PER3: variants seen among roughly 807,000 people sequenced by gnomAD.
PER3 encodes period circadian regulator 3, also known as period circadian protein homolog 3.
In PER3, 107 loss-of-function variants were observed where a neutral mutation model predicts 127.2. The ratio of observed to expected loss-of-function variants is 0.84; its 90% CI spans 0.72 to 0.99. The LOEUF is 0.99. Ranked by LOEUF, PER3 falls within the 50% of genes least tolerant of loss-of-function variation. PER3 has a pLI of 0.00. For missense variants in PER3, 1,560 were observed against 1,525.8 expected (o/e 1.02, Z -0.37); for synonymous variants, 618 against 585.8 (o/e 1.05, Z -0.79).
Position 7,827,310 on chromosome 1 carries a change from C to T in PER3, c.2381C>T (p.Pro794Leu). 2 of 1,613,766 alleles carry T rather than the reference C, an allele frequency of 1.2e-6. No homozygotes were observed. Among genetic ancestry groups the T allele is most frequent in the Non-Finnish European group, 1.7e-6 (2 of 1,179,844 alleles). Residue 794 changes from proline to leucine, a missense_variant, in exon 18 of 22, where the codon CCA becomes CTA. By Grantham distance (98) the Pro-to-Leu change is moderately conservative. This residue lies in a region of PER3 where 1,332 missense variants were observed against 1,223.6 expected (regional missense o/e 1.09). Transcript: ENST00000377532. ...CCGCACACCTCGAGCCCGACCTTCC[C>T]ACCTGCCGCCATGGTGCCCAGCCAG... ...SSPHTSSPTF[P>L]PAAMVPSQAP...
intron 7 of PER3, among the ~76,000 whole-genome samples, chr1:7,799,581 G>C (rs1280248467): frequency 6.9e-6 from 1 of 144,830 alleles, no homozygotes; most frequent in Non-Finnish European, 1.5e-5. Context: ...TTGCACTCCA[G>C]CCTGGGCAAC....
rs910369055 is a variant in PER3 at position 7,844,771 on chromosome 1, G to A, written c.*2016G>A. The A allele has an allele frequency of 3.3e-5, 5 of 152,732 alleles. No homozygotes were observed. The highest frequency in any genetic ancestry group is 1.9e-4 in the East Asian group (1 of 5,236). The allele number at this position is 152,732 out of a possible 1,614,324, so 9.5% of individuals were successfully genotyped here. ...CTCCCAGGTTGCACCTGCTGCTGGC[G>A]GTGAGCAGGGGGTTCAGCAGCTTGA... On this transcript the variant is annotated 3_prime_UTR_variant, in exon 22 of 22. Transcript: ENST00000377532.
intron 6 of PER3, among the ~76,000 whole-genome samples, chr1:7,797,196 A>G (rs997747106): frequency 1.2e-4 from 4 of 32,332 alleles, no homozygotes; most frequent in Admixed American, 6.6e-4. Context: ...AGGTGTGAGC[A>G]TGGATGTGAG....
chr1:7,835,922 C>T lies in PER3; in HGVS notation c.3375C>T (p.Leu1125=), dbSNP rs780230060. Reference sequence around the variant, plus strand: ...TACGGCAGACACCTGAGCGCATTCTCATGACATACCAGGTACCTGAGAGGT... The same window carrying T: ...TACGGCAGACACCTGAGCGCATTCTTATGACATACCAGGTACCTGAGAGGT... ...RMIRQTPERI[L]MTYQVPERVK... Residue 1125 remains leucine (L), a synonymous_variant, in exon 20 of 22, where the codon CTC becomes CTT. Transcript: ENST00000377532. The T allele has an allele frequency of 9.3e-6, 15 of 1,605,572 alleles. No individual in the cohort carries two copies. The highest frequency in any genetic ancestry group is 1.3e-5 in the African/African-American group (1 of 74,682).
chr1:7,812,650 T>C (rs999202669), intron 13 of PER3, among the ~76,000 whole-genome samples: 2 of 105,422 alleles, frequency 1.9e-5, no homozygotes, highest in African/African-American at 7.0e-5. Flanking sequence ...AAAAAAAAAA[T>C]TGAAGCTGCA....
At chr1:7,833,307 C>A (rs1227467433) in intron 19 of PER3, among the ~76,000 whole-genome samples, 1 of 152,104 alleles carries the variant, frequency 6.6e-6, no homozygotes, top group Non-Finnish European at 1.5e-5. Context: ...AATGTTGATC[C>A]AACCTTTTCT....
At chr1:7,816,374 C>T (rs776079580) in intron 13 of PER3, among the ~76,000 whole-genome samples, 1 of 152,128 alleles carries the variant, frequency 6.6e-6, no homozygotes, top group African/African-American at 2.4e-5. Context: ...AGACTGATAA[C>T]TATGGCCATA....
intron 10 of PER3, among the ~76,000 whole-genome samples, chr1:7,805,360 A>G (rs2097188397): frequency 6.6e-6 from 1 of 152,210 alleles, no homozygotes; most frequent in Non-Finnish European, 1.5e-5. Flanking sequence ...TAGATCTACC[A>G]GTAAGACGTA....
Position 7,810,599 on chromosome 1 carries a change from C to A in PER3, c.1522+11C>A. On this transcript the variant is annotated intron_variant, in intron 13 of 21. Coordinates refer to ENST00000377532, the MANE Select transcript of PER3 (RefSeq NM_001377275.1). Reference sequence around the variant, plus strand: ...CAGCGAATGGTGGTGGTGAGTCAGCCGGCAGCCCCAAGGATCTCCTTCCAT... The same window carrying A: ...CAGCGAATGGTGGTGGTGAGTCAGCAGGCAGCCCCAAGGATCTCCTTCCAT... 6.2e-7 allele frequency: 1 copy of A among 1,601,492 alleles called. No homozygotes were observed. Among genetic ancestry groups the A allele is most frequent in the Non-Finnish European group, 8.5e-7 (1 of 1,175,266 alleles).
intron 7 of PER3, 26 bp from the exon 8 acceptor site, chr1:7,801,087 A>G (rs943903880): frequency 5.1e-6 from 7 of 1,382,170 alleles, no homozygotes; most frequent in Admixed American, 3.7e-5. Flanking sequence ...TTGCCTTTAA[A>G]TGGGTCTTTG....
intron 13 of PER3, among the ~76,000 whole-genome samples, chr1:7,815,991 CAAAAA>C (rs34144861): frequency 3.8e-4 from 26 of 67,662 alleles, no homozygotes; most frequent in South Asian, 1.7e-3. Flanking sequence ...GACTCCGTCT[CAAAAA>C]AAAAAAAAAA....
chr1:7,785,402 C>G, intron 2 of PER3, 39 bp from the exon 3 acceptor site: 2 of 1,562,404 alleles, frequency 1.3e-6, no homozygotes, highest in Non-Finnish European at 1.8e-6. Context: ...ATGCTGTTGT[C>G]TTCAGAGGAT....
intron 15 of PER3, 107 bp downstream of exon 15, chr1:7,820,346 T>C: frequency 7.1e-7 from 1 of 1,410,922 alleles, no homozygotes; most frequent in Non-Finnish European, 9.7e-7. Context: ...TGGTTTCATA[T>C]TACCTCTTTA....
intron 20 of PER3, among the ~76,000 whole-genome samples, chr1:7,836,542 A>C (rs1442375677): frequency 1.3e-5 from 2 of 152,196 alleles, no homozygotes; most frequent in South Asian, 2.1e-4. Context: ...ATTCCCTTTG[A>C]GAAATGTGTC....
chr1:7,788,340 C>G, intron 5 of PER3, 94 bp downstream of exon 5: 2 of 858,142 alleles, frequency 2.3e-6, no homozygotes, highest in South Asian at 1.6e-5. Context: ...TTATTTAGAA[C>G]ATGCACACTA....
At chr1:7,786,901 T>C (rs1345630011) in intron 4 of PER3, 65 bp downstream of exon 4, 1 of 891,458 alleles carries the variant, frequency 1.1e-6, no homozygotes, top group Non-Finnish European at 1.9e-6. Context: ...GCTCTAGATG[T>C]AGGCTTTTAA....
chr1:7,837,944 A>AGTCCCAACTACTCAGGAGGTT (rs2097366008), intron 21 of PER3, among the ~76,000 whole-genome samples: 1 of 152,198 alleles, frequency 6.6e-6, no homozygotes, highest in African/African-American at 2.4e-5. Context: ...GTGCACCTAT[A>AGTCCCAACTACTCAGGAGGTT]GTCCCAACTA....
At chr1:7,789,680 T>C (rs2097109854) in intron 5 of PER3, among the ~76,000 whole-genome samples, 1 of 152,244 alleles carries the variant, frequency 6.6e-6, no homozygotes, top group Admixed American at 6.5e-5. Flanking sequence ...GAAACAGATC[T>C]CCATAACTTT....
In PER3 at chr1:7,798,242, G is replaced by A. The variant is rs527300880; in HGVS notation, c.645-283G>A. 4.6e-5 allele frequency among the ~76,000 whole-genome samples: 7 copies of A among 152,228 alleles called. No individual in the cohort carries two copies. In the South Asian group the frequency reaches 6.2e-4, roughly 14 times the overall value. ...CAGCAGAAGGGGAAAAGTCAAACTG[G>A]GAATGCATCACATGGAGGCCAGGAG... On this transcript the variant is annotated intron_variant, in intron 6 of 21. Coordinates refer to ENST00000377532, the MANE Select transcript of PER3 (RefSeq NM_001377275.1).
Sources: allele counts gnomAD v4.1 joint callset (sites outside exome capture counted in the v4.1 genomes callset), GRCh38; gene constraint gnomAD v4.1.1; regional missense constraint gnomAD v4.1.1; transcripts MANE v1.5; gene names NCBI Gene and HGNC (gene_info 2026-07-23, HGNC 2026-07-21).